The following SVOPL variants were observed in gnomAD, a reference collection of about 807,000 sequenced individuals.
SVOPL encodes putative transporter SVOPL.
A neutral mutation model predicts 61.0 loss-of-function variants in SVOPL; 60 were observed. The observed-to-expected ratio is 0.98, with a 90% CI of 0.80 to 1.22. The LOEUF is 1.22. SVOPL is among the 50% of genes most tolerant of loss of function. SVOPL has a pLI of 0.00. For synonymous variants in SVOPL, 279 were observed against 250.0 expected, an observed-to-expected ratio of 1.12 and a Z score of -1.09; for missense variants, 662 against 643.9, an observed-to-expected ratio of 1.03 and a Z score of -0.30.
rs903777700 is a variant in SVOPL, at chr7:138,597,090, A to T, written c.1354-560T>A. The T allele has an allele frequency of 2.2e-5, 27 of 1,223,338 alleles. 1 individual carries two copies. In the Middle Eastern group the frequency reaches 6.8e-4, roughly 31 times the overall value. The allele number at this position is 1,223,338 out of a possible 1,614,324, so 75.8% of individuals were successfully genotyped here. A position where few individuals can be genotyped will look rare whatever the true frequency, so the allele number is the denominator to read the frequency against. On this transcript the variant is annotated intron_variant, in intron 14 of 15. Coordinates refer to ENST00000674285, the MANE Select transcript of SVOPL (RefSeq NM_001139456.2). ...TTCCACAGTAACTGGGTTTCTGTCC[A>T]TCTGTACACATGCTTTGGCCTGGAT...
chr7:138,644,650 T>C, intron 9 of SVOPL, 67 bp downstream of exon 9: 1 of 1,582,158 alleles, frequency 6.3e-7, no homozygotes. Context: ...CCTCCAGCCT[T>C]CCACAACTGA....
chr7:138,629,948 C>T lies in SVOPL; in HGVS notation c.863+101G>A, dbSNP rs1800097068. 6.8e-6 allele frequency: 6 copies of T among 877,496 alleles called. No individual in the cohort carries two copies. In the Admixed American group the frequency reaches 7.8e-5, roughly 11 times the overall value. 54.4% of individuals were successfully genotyped at this position (877,496 alleles called of 1,614,324 possible). On this transcript the variant is annotated intron_variant, in intron 10 of 15. Coordinates refer to ENST00000674285, the MANE Select transcript of SVOPL (RefSeq NM_001139456.2). ...TGTCTTTGTAGTATTTGGAGTTAGT[C>T]TTATGTTTTTCTCCCCAGTGGCACT...
intron 3 of SVOPL, among the ~76,000 whole-genome samples, chr7:138,672,881 G>A (rs528055060): frequency 1.4e-5 from 2 of 138,344 alleles, no homozygotes; most frequent in Non-Finnish European, 3.0e-5. Flanking sequence ...TTTGCAATCC[G>A]TTATAGGGAT....
intron 9 of SVOPL, among the ~76,000 whole-genome samples, chr7:138,634,991 G>A (rs1659807): frequency 0.025 from 3,804 of 151,880 alleles, 89 homozygotes; most frequent in Non-Finnish European, 0.034. Flanking sequence ...AATATGGGCC[G>A]GGCGCAGTGG....
intron 14 of SVOPL, among the ~76,000 whole-genome samples, chr7:138,611,368 ACT>A (rs1334176180): frequency 3.9e-5 from 6 of 152,070 alleles, no homozygotes; most frequent in South Asian, 2.1e-4. Flanking sequence ...ACAGAGCAAG[ACT>A]CTGTCTCAAA....
chr7:138,610,823 C>G (rs1798966251), intron 14 of SVOPL, among the ~76,000 whole-genome samples: 1 of 152,230 alleles, frequency 6.6e-6, no homozygotes, highest in Non-Finnish European at 1.5e-5. Flanking sequence ...TAGCTGACAT[C>G]TGAAGATAGG....
chr7:138,640,724 G>C (rs903637009), intron 9 of SVOPL, among the ~76,000 whole-genome samples: 1 of 152,080 alleles, frequency 6.6e-6, no homozygotes, highest in African/African-American at 2.4e-5. Flanking sequence ...GGGTACTCAT[G>C]GACATAAAGA....
At chr7:138,654,147 A>G (rs1389094680) in intron 7 of SVOPL, among the ~76,000 whole-genome samples, 1 of 151,014 alleles carries the variant, frequency 6.6e-6, no homozygotes, top group East Asian at 1.9e-4. Context: ...AAAAAAAAAA[A>G]GAATCATGGT....
intron 2 of SVOPL, 41 bp downstream of exon 2, chr7:138,678,923 T>A (rs772714681): frequency 6.5e-7 from 1 of 1,534,796 alleles, no homozygotes. Flanking sequence ...TTCTTAACTC[T>A]AAGCAGCAGG....
intron 9 of SVOPL, among the ~76,000 whole-genome samples, chr7:138,639,877 T>C (rs1451026119): frequency 2.0e-5 from 3 of 150,982 alleles, no homozygotes; most frequent in East Asian, 3.9e-4. Flanking sequence ...ACCTCTGAAA[T>C]AGCTAGTTGG....
chr7:138,619,537 G>A (rs541574734), intron 14 of SVOPL, among the ~76,000 whole-genome samples: 49 of 138,262 alleles, frequency 3.5e-4, no homozygotes, highest in African/African-American at 1.2e-3. Flanking sequence ...AGACAGGTGG[G>A]GATTAGCTTG....
At chr7:138,675,823 G>A (rs1802546168) in intron 3 of SVOPL, among the ~76,000 whole-genome samples, 1 of 151,888 alleles carries the variant, frequency 6.6e-6, no homozygotes, top group Non-Finnish European at 1.5e-5. Context: ...TTATGCATCT[G>A]GGTATGAAGC....
At chr7:138,625,303 C>T (rs776575385) in intron 13 of SVOPL, 2 of 152,164 alleles carry the variant, frequency 1.3e-5, no homozygotes, top group Non-Finnish European at 2.9e-5. Context: ...TCGCAATAGA[C>T]TTCCCCACTT....
intron 5 of SVOPL, chr7:138,661,880 T>C: frequency 7.1e-6 from 7 of 985,426 alleles, no homozygotes; most frequent in Non-Finnish European, 8.4e-6. Context: ...TCTCTGTTTC[T>C]TCCTTTAGGT....
intron 9 of SVOPL, among the ~76,000 whole-genome samples, chr7:138,632,346 C>T (rs1462734544): frequency 5.3e-5 from 8 of 152,148 alleles, no homozygotes; most frequent in Admixed American, 5.2e-4. Flanking sequence ...AGGCAGGAGA[C>T]TCGCTTGAAC....
At chr7:138,666,225 G>T (rs1167759496) in intron 4 of SVOPL, among the ~76,000 whole-genome samples, 2 of 152,314 alleles carry the variant, frequency 1.3e-5, no homozygotes, top group East Asian at 3.9e-4. Context: ...GTTCGCCATG[G>T]CACAGGAATT....
intron 3 of SVOPL, among the ~76,000 whole-genome samples, chr7:138,674,929 GGA>G: frequency 6.6e-6 from 1 of 151,998 alleles, no homozygotes; most frequent in Non-Finnish European, 1.5e-5. Context: ...TGAAGGTGGA[GGA>G]GAGTTAATAG....
intron 7 of SVOPL, among the ~76,000 whole-genome samples, chr7:138,651,483 A>AT (rs146677243): frequency 0.03 from 4,513 of 151,822 alleles, 216 homozygotes; most frequent in East Asian, 0.23. Flanking sequence ...AAATATTGCA[A>AT]TTTTTTTTTA....
At chr7:138,666,580 AC>A (rs1445692759) in intron 4 of SVOPL, among the ~76,000 whole-genome samples, 20 of 152,182 alleles carry the variant, frequency 1.3e-4, no homozygotes, top group African/African-American at 4.6e-4. Flanking sequence ...TACAACCCAG[AC>A]CACTACAGTG....
Sources: allele counts gnomAD v4.1 joint callset (sites outside exome capture counted in the v4.1 genomes callset), GRCh38; gene constraint gnomAD v4.1.1; transcripts MANE v1.5; gene names NCBI Gene and HGNC (gene_info 2026-07-23, HGNC 2026-07-21).